The following SNX9 variants were observed in gnomAD, a reference collection of about 807,000 sequenced individuals.
The protein encoded by SNX9 is sorting nexin 9.
Under a neutral mutation model 89.4 loss-of-function variants are expected in SNX9, and 44 were observed. That is an observed-to-expected ratio of 0.49 (90% CI 0.39 to 0.63). SNX9 has a LOEUF of 0.63. Ranked by LOEUF, SNX9 falls within the 30% of genes least tolerant of loss-of-function variation. The probability of loss-of-function intolerance (pLI) is 0.00; values close to 1 mark genes in which losing one functional copy is unlikely to be tolerated. For missense variants in SNX9, 578 were observed against 736.1 expected (o/e 0.79, Z 2.49); for synonymous variants, 236 against 247.8 (o/e 0.95, Z 0.45).
chr6:157,862,274 G>T (rs751565882), intron 1 of SNX9, among the ~76,000 whole-genome samples: 17 of 152,266 alleles, frequency 1.1e-4, no homozygotes, highest in South Asian at 2.1e-4. Flanking sequence ...GTCTGTGAAA[G>T]TAAGTTCTGT....
At chr6:157,881,959 C>T (rs1449736723) in intron 4 of SNX9, among the ~76,000 whole-genome samples, 1 of 152,184 alleles carries the variant, frequency 6.6e-6, no homozygotes, top group African/African-American at 2.4e-5. Context: ...GATGATGGTG[C>T]TGCACTAAAC....
At chr6:157,900,596 A>G (rs1002411074) in intron 5 of SNX9, among the ~76,000 whole-genome samples, 6 of 152,064 alleles carry the variant, frequency 3.9e-5, no homozygotes, top group African/African-American at 1.4e-4. Context: ...AAGTTTAGTG[A>G]GGGCGGGGGT....
chr6:157,879,891 A>C (rs1311146808), intron 4 of SNX9, among the ~76,000 whole-genome samples: 1 of 152,246 alleles, frequency 6.6e-6, no homozygotes, highest in Admixed American at 6.5e-5. Context: ...CTAAAGAATG[A>C]GAACAATGAG....
At chr6:157,838,031 G>GT (rs1256869617) in intron 1 of SNX9, among the ~76,000 whole-genome samples, 3 of 152,086 alleles carry the variant, frequency 2.0e-5, no homozygotes, top group South Asian at 2.1e-4. Flanking sequence ...AATTTTGTTT[G>GT]TTTTTTTGAG....
In SNX9 at chr6:157,937,535, G is replaced by A. The variant is rs749528078; in HGVS notation, c.1533+12G>A. 5.0e-6 allele frequency: 8 copies of A among 1,602,354 alleles called. No individual in the cohort carries two copies. The highest frequency in any genetic ancestry group is 2.7e-5 in the African/African-American group (2 of 74,674). Reference sequence around the variant, plus strand: ...TTGGCACTCACAAGGTAACCTGATCGTAGACATTTATAGAAGACAACAGCA... The same window carrying A: ...TTGGCACTCACAAGGTAACCTGATCATAGACATTTATAGAAGACAACAGCA... On this transcript the variant is annotated intron_variant, in intron 15 of 17. Transcript: ENST00000392185.
At chr6:157,902,743 C>T (rs1166631627) in intron 6 of SNX9, among the ~76,000 whole-genome samples, 1 of 152,210 alleles carries the variant, frequency 6.6e-6, no homozygotes, top group Non-Finnish European at 1.5e-5. Context: ...TCTTGGTTCA[C>T]TGCAACCCCA....
chr6:157,824,727 A>C (rs1201124954), intron 1 of SNX9, among the ~76,000 whole-genome samples: 1 of 152,176 alleles, frequency 6.6e-6, no homozygotes, highest in Non-Finnish European at 1.5e-5. Flanking sequence ...CTGTTACTGA[A>C]ATAATTACCT....
chr6:157,847,643 G>C (rs1781830480), intron 1 of SNX9, among the ~76,000 whole-genome samples: 3 of 152,140 alleles, frequency 2.0e-5, no homozygotes, highest in East Asian at 3.8e-4. Flanking sequence ...TATCTGTGCT[G>C]ATGGATTAAT....
At chr6:157,902,812 CAT>C (rs767907820) in intron 6 of SNX9, among the ~76,000 whole-genome samples, 2 of 152,108 alleles carry the variant, frequency 1.3e-5, no homozygotes, top group African/African-American at 4.8e-5. Context: ...GGATTACAAA[CAT>C]GTGCCACCGC....
At chr6:157,933,600 A>C (rs1355369302) in intron 13 of SNX9, among the ~76,000 whole-genome samples, 1 of 152,236 alleles carries the variant, frequency 6.6e-6, no homozygotes, top group Non-Finnish European at 1.5e-5. Context: ...CAAGGCCAGA[A>C]CAGAGAAGCA....
intron 1 of SNX9, among the ~76,000 whole-genome samples, chr6:157,855,591 TTTATA>T (rs1781994130): frequency 6.6e-6 from 1 of 152,212 alleles, no homozygotes; most frequent in African/African-American, 2.4e-5. Context: ...ACTGTTTCAT[TTTATA>T]TTCTTTTCTG....
chr6:157,887,302 A>T (rs553051356), intron 4 of SNX9, among the ~76,000 whole-genome samples: 37 of 152,276 alleles, frequency 2.4e-4, no homozygotes, highest in Admixed American at 2.2e-3. Flanking sequence ...GAAGTTTTCC[A>T]TCTAGGCTGG....
At chr6:157,834,519 A>AC (rs1462513240) in intron 1 of SNX9, among the ~76,000 whole-genome samples, 1 of 141,310 alleles carries the variant, frequency 7.1e-6, no homozygotes, top group African/African-American at 2.8e-5. Flanking sequence ...CCAATTTTTT[A>AC]AATTTTTTTT....
intron 1 of SNX9, among the ~76,000 whole-genome samples, chr6:157,836,311 A>G (rs1781581842): frequency 6.6e-6 from 1 of 152,140 alleles, no homozygotes. Context: ...GATTCTCTAA[A>G]ATGCTACAAG....
intron 4 of SNX9, among the ~76,000 whole-genome samples, chr6:157,896,489 A>G (rs1024142485): frequency 3.3e-5 from 5 of 152,236 alleles, no homozygotes; most frequent in Non-Finnish European, 7.3e-5. Context: ...AAACACACAT[A>G]GGAATGGATA....
intron 2 of SNX9, among the ~76,000 whole-genome samples, chr6:157,871,675 A>G (rs747467251): frequency 6.6e-6 from 1 of 152,156 alleles, no homozygotes; most frequent in African/African-American, 2.4e-5. Flanking sequence ...CTTAAAGTAT[A>G]ATAATAATTT....
At chr6:157,851,249 T>C (rs1203508356) in intron 1 of SNX9, among the ~76,000 whole-genome samples, 2 of 146,418 alleles carry the variant, frequency 1.4e-5, no homozygotes, top group African/African-American at 5.1e-5. Flanking sequence ...CAGAGCAAGA[T>C]GGTCTCAAAA....
intron 4 of SNX9, among the ~76,000 whole-genome samples, chr6:157,888,411 A>G (rs1357254631): frequency 6.6e-6 from 1 of 152,192 alleles, no homozygotes; most frequent in Non-Finnish European, 1.5e-5. Context: ...AAGATAACCC[A>G]TTGCTACACA....
At chr6:157,929,221 T>C (rs1388567359) in intron 12 of SNX9, among the ~76,000 whole-genome samples, 1 of 152,164 alleles carries the variant, frequency 6.6e-6, no homozygotes. Context: ...TCCCTCCTTC[T>C]CCTTTGTTTG....
Sources: gnomAD v4.1 joint callset for allele counts (sites outside exome capture counted in the v4.1 genomes callset) on GRCh38, gnomAD v4.1.1 for gene constraint, MANE v1.5 for transcripts, NCBI Gene and HGNC (gene_info 2026-07-23, HGNC 2026-07-21) for gene names.